Variants in TAFA2 observed in about 807,000 individuals in gnomAD.
The protein encoded by TAFA2 is TAFA chemokine like family member 2.
Under a neutral mutation model 18.8 loss-of-function variants are expected in TAFA2, and 7 were observed. The ratio of observed to expected loss-of-function variants is 0.37; its 90% CI spans 0.21 to 0.70. The LOEUF is 0.70. Among genes scored for constraint, TAFA2 ranks in the 30% least tolerant of loss-of-function variants. The pLI is 0.53. For synonymous variants in TAFA2, 60 were observed against 54.2 expected, an observed-to-expected ratio of 1.11 and a Z score of -0.47; for missense variants, 122 against 158.1, an observed-to-expected ratio of 0.77 and a Z score of 1.23.
chr12:61,910,154 T>G (rs1254056475), intron 1 of TAFA2, among the ~76,000 whole-genome samples: 1 of 151,352 alleles, frequency 6.6e-6, no homozygotes, highest in Non-Finnish European at 1.5e-5. Flanking sequence ...CTGCAGGTTA[T>G]GCTAATCCAT....
intron 1 of TAFA2, among the ~76,000 whole-genome samples, chr12:62,094,962 C>T (rs1449516886): frequency 2.6e-5 from 4 of 151,918 alleles, no homozygotes; most frequent in East Asian, 1.9e-4. Context: ...AAAGCATTAG[C>T]CATTAACAAA....
intron 1 of TAFA2, among the ~76,000 whole-genome samples, chr12:62,071,559 T>C (rs931269658): frequency 6.6e-6 from 1 of 152,010 alleles, no homozygotes; most frequent in Non-Finnish European, 1.5e-5. Context: ...CTGGGCAACA[T>C]AGGGTGACTC....
At chr12:62,216,009 T>C (rs565732962) in intron 1 of TAFA2, among the ~76,000 whole-genome samples, 173 of 152,274 alleles carry the variant, frequency 1.1e-3, no homozygotes, top group Admixed American at 2.2e-3. Context: ...GTTTCCTCAA[T>C]CCTTCCCCAA....
chr12:61,816,741 C>T (rs2121031100), intron 2 of TAFA2, among the ~76,000 whole-genome samples: 1 of 151,278 alleles, frequency 6.6e-6, no homozygotes, highest in African/African-American at 2.5e-5. Flanking sequence ...AAGAAGCATC[C>T]TTAGACTGGG....
At chr12:62,128,969 T>C (rs1870575238) in intron 1 of TAFA2, among the ~76,000 whole-genome samples, 1 of 152,080 alleles carries the variant, frequency 6.6e-6, no homozygotes, top group Non-Finnish European at 1.5e-5. Flanking sequence ...ACTTTTATTA[T>C]TTTTCAAATA....
intron 1 of TAFA2, among the ~76,000 whole-genome samples, chr12:62,247,072 C>G (rs993515623): frequency 6.6e-6 from 1 of 151,998 alleles, no homozygotes; most frequent in Non-Finnish European, 1.5e-5. Flanking sequence ...GCTTCTTTTT[C>G]CTGCATGCTG....
chr12:61,927,306 T>G (rs1198670548), intron 1 of TAFA2, among the ~76,000 whole-genome samples: 1 of 152,132 alleles, frequency 6.6e-6, no homozygotes, highest in Admixed American at 6.6e-5. Context: ...GATAAGCAAC[T>G]TCAGCAAAGT....
chr12:61,947,098 A>C (rs1184535624), intron 1 of TAFA2, among the ~76,000 whole-genome samples: 1 of 114,334 alleles, frequency 8.7e-6, no homozygotes, highest in African/African-American at 3.7e-5. Flanking sequence ...AAAATGTGGC[A>C]CATATACACC....
intron 1 of TAFA2, among the ~76,000 whole-genome samples, chr12:62,014,945 T>G (rs1880883317): frequency 6.6e-6 from 1 of 152,198 alleles, no homozygotes; most frequent in East Asian, 1.9e-4. Context: ...ATTCTTCTAT[T>G]AGCAAATTCT....
chr12:61,761,617 T>C (rs1265494432), intron 2 of TAFA2, among the ~76,000 whole-genome samples: 1 of 152,090 alleles, frequency 6.6e-6, no homozygotes, highest in Admixed American at 6.6e-5. Flanking sequence ...TTTCATTTTA[T>C]CAATGCAATA....
At chr12:61,901,259 C>CTTTTTTTTTTTTTTTTTTTTTTT (rs1203233805) in intron 1 of TAFA2, among the ~76,000 whole-genome samples, 1 of 10,900 alleles carries the variant, frequency 9.2e-5, no homozygotes, top group Non-Finnish European at 1.5e-4. Context: ...TTCAATTTCA[C>CTTTTTTTTTTTTTTTTTTTTTTT]TTTTTTTTTT....
chr12:62,160,061 G>A (rs1055776959), intron 1 of TAFA2, among the ~76,000 whole-genome samples: 6 of 152,118 alleles, frequency 3.9e-5, no homozygotes, highest in Non-Finnish European at 7.4e-5. Flanking sequence ...CATCATCTGC[G>A]TGCCAGTTCC....
At chr12:61,850,553 G>T (rs1248338051) in intron 2 of TAFA2, among the ~76,000 whole-genome samples, 1 of 151,972 alleles carries the variant, frequency 6.6e-6, no homozygotes, top group African/African-American at 2.4e-5. Context: ...TGCAATAATG[G>T]TATAACTTCA....
chr12:61,886,799 T>C (rs1247596189), intron 1 of TAFA2, among the ~76,000 whole-genome samples: 3 of 152,346 alleles, frequency 2.0e-5, no homozygotes, highest in Admixed American at 1.3e-4. Context: ...TGGGGGGCTA[T>C]TGGCATAATT....
chr12:62,071,992 G>T (rs909549934), intron 1 of TAFA2, among the ~76,000 whole-genome samples: 4 of 152,146 alleles, frequency 2.6e-5, no homozygotes, highest in Non-Finnish European at 5.9e-5. Context: ...ATATTCATAA[G>T]CAAGGCAACT....
intron 1 of TAFA2, among the ~76,000 whole-genome samples, chr12:62,042,456 G>T (rs570488832): frequency 2.0e-5 from 3 of 147,640 alleles, no homozygotes; most frequent in Non-Finnish European, 4.5e-5. Flanking sequence ...TGTGTGACAT[G>T]CATAATGCAA....
intron 1 of TAFA2, among the ~76,000 whole-genome samples, chr12:62,052,321 G>C (rs1215229454): frequency 1.3e-5 from 2 of 152,106 alleles, no homozygotes; most frequent in Non-Finnish European, 1.5e-5. Context: ...AGCCTCTCAA[G>C]TAGCTGGACT....
intron 1 of TAFA2, among the ~76,000 whole-genome samples, chr12:62,046,816 T>C (rs1456301783): frequency 6.6e-6 from 1 of 152,144 alleles, no homozygotes; most frequent in Non-Finnish European, 1.5e-5. Context: ...CATTAGGGGA[T>C]GTTATTATTT....
chr12:61,720,036 CT>C (rs150317227), intron 4 of TAFA2, among the ~76,000 whole-genome samples: 50 of 148,088 alleles, frequency 3.4e-4, no homozygotes, highest in African/African-American at 1.2e-3. Flanking sequence ...GGTGCTTTTG[CT>C]TTTTTTTTTC....
Sources: gnomAD v4.1 joint callset for allele counts (sites outside exome capture counted in the v4.1 genomes callset) on GRCh38, gnomAD v4.1.1 for gene constraint, MANE v1.5 for transcripts, NCBI Gene and HGNC (gene_info 2026-07-23, HGNC 2026-07-21) for gene names.